The following CELF2 variants were observed in gnomAD, a reference collection of about 807,000 sequenced individuals.
The protein encoded by CELF2 is CUGBP Elav-like family member 2.
In CELF2, 8 loss-of-function variants were observed where a neutral mutation model predicts 62.6. That is an observed-to-expected ratio of 0.13 (90% CI 0.07 to 0.23). The LOEUF (loss-of-function observed/expected upper bound fraction) is 0.23, where lower values mean the gene tolerates loss of function less well. CELF2 is among the 10% of genes least tolerant of loss of function. The probability of loss-of-function intolerance (pLI) is 1.00; values close to 1 mark genes in which losing one functional copy is unlikely to be tolerated. For missense variants in CELF2, 333 were observed against 671.0 expected, an observed-to-expected ratio of 0.50 and a Z score of 5.56; for synonymous variants, 258 against 250.0, an observed-to-expected ratio of 1.03 and a Z score of -0.30.
rs139799018 is a variant in CELF2 at position 11,037,277 on chromosome 10, C to G, written c.74+19114C>G. ...CATCAGCTCTCCTGAGACTTACTGT[C>G]GTGAGAACAGCGTGGGAGAAACCCA... On this transcript the variant is annotated intron_variant, in intron 1 of 12. Transcript: ENST00000633077. Among the ~76,000 whole-genome samples, 459 of 152,310 alleles carry G rather than the reference C, an allele frequency of 3.0e-3. 3 individuals carry two copies. Among genetic ancestry groups the G allele is most frequent in the African/African-American group, 0.01 (422 of 41,562 alleles).
chr10:10,727,461 C>A, the CELF2 span, among the ~76,000 whole-genome samples: 1 of 152,290 alleles, frequency 6.6e-6, no homozygotes, highest in African/African-American at 2.4e-5. Flanking sequence ...CAACACAGAA[C>A]ATCTGCCCTT....
chr10:10,488,864 G>C, the CELF2 span, among the ~76,000 whole-genome samples: 1 of 152,012 alleles, frequency 6.6e-6, no homozygotes, highest in African/African-American at 2.4e-5. Flanking sequence ...ACCAATGCAA[G>C]AAGGAGCTTG....
the CELF2 span, among the ~76,000 whole-genome samples, chr10:10,773,173 C>CAG: frequency 4.8e-3 from 732 of 152,188 alleles, 4 homozygotes; most frequent in African/African-American, 0.01. Context: ...GAATATGAAA[C>CAG]GGGAGGGAAA....
At position 11,146,507 on chromosome 10, in the gene CELF2, T is replaced by C. The variant is rs184012565; in HGVS notation, c.75-18979T>C. 3.7e-3 allele frequency among the ~76,000 whole-genome samples: 569 copies of C among 152,358 alleles called. 10 individuals carry two copies. Among genetic ancestry groups the C allele is most frequent in the Middle Eastern group, 6.8e-3 (2 of 294 alleles). ...CAATTTGTTTTCCCTTTCCATTTTA[T>C]TACTCCTTGTGTGGCCTGTCTGTGG... On this transcript the variant is annotated intron_variant, in intron 1 of 12. Coordinates refer to ENST00000633077, the MANE Select transcript of CELF2 (RefSeq NM_001326342.2).
At chr10:10,695,702 A>G in the CELF2 span, among the ~76,000 whole-genome samples, 1 of 152,000 alleles carries the variant, frequency 6.6e-6, no homozygotes, top group South Asian at 2.1e-4. Flanking sequence ...GGCTTTGCTC[A>G]TTTCCTTTTA....
intron 2 of CELF2, among the ~76,000 whole-genome samples, chr10:10,962,677 A>T (rs370115793): frequency 9.8e-5 from 15 of 152,310 alleles, no homozygotes; most frequent in African/African-American, 3.6e-4. Flanking sequence ...GTGAGCCATG[A>T]CTGGGCTGTT....
At position 11,207,867 on chromosome 10, in the gene CELF2, GC is replaced by G. The variant is rs2060818291; in HGVS notation, c.272-9557del. On this transcript the variant is annotated intron_variant, in intron 2 of 12. Coordinates refer to ENST00000633077, the MANE Select transcript of CELF2 (RefSeq NM_001326342.2). The surrounding 1 kb of genome is among the most constrained non-coding windows in gnomAD (Gnocchi z 4.1). ...TCGTATTTGGGTAGCTGCTACTCTA[GC>G]TATGGAAGTCCCATTTTTAGGTGGG... Among the ~76,000 whole-genome samples, 1 of 152,222 alleles carries G rather than the reference GC, an allele frequency of 6.6e-6. No individual in the cohort carries two copies. Among genetic ancestry groups the G allele is most frequent in the Admixed American group, 6.5e-5 (1 of 15,284 alleles).
chr10:11,058,141 C>A (rs769063200), intron 1 of CELF2, among the ~76,000 whole-genome samples: 1 of 150,734 alleles, frequency 6.6e-6, no homozygotes, highest in Non-Finnish European at 1.5e-5. Flanking sequence ...CTGGCATGTT[C>A]CAGTCGAGTT....
chr10:11,197,053 G>GAAGGAAAGA (rs1565233084), intron 2 of CELF2, among the ~76,000 whole-genome samples: 2 of 57,220 alleles, frequency 3.5e-5, no homozygotes, highest in African/African-American at 8.3e-5. Context: ...AAGAAAGAAA[G>GAAGGAAAGA]AAAGAAAAGA....
intron 3 of CELF2, among the ~76,000 whole-genome samples, chr10:11,219,167 T>C (rs984654731): frequency 6.6e-6 from 1 of 152,208 alleles, no homozygotes; most frequent in African/African-American, 2.4e-5. Context: ...TTGGTGAATA[T>C]GTATTTATCC....
At chr10:10,939,100 CCCCATCACCTA>C in intron 2 of CELF2, among the ~76,000 whole-genome samples, 1 of 149,922 alleles carries the variant, frequency 6.7e-6, no homozygotes, top group Non-Finnish European at 1.5e-5. Flanking sequence ...GCTATTGTAA[CCCCATCACCTA>C]GGCTGTAGTG....
At chr10:10,599,629 G>A in the CELF2 span, among the ~76,000 whole-genome samples, 14 of 151,820 alleles carry the variant, frequency 9.2e-5, no homozygotes, top group African/African-American at 3.4e-4. Flanking sequence ...GAGTGAAAAG[G>A]TTATCACTGT....
intron 2 of CELF2, among the ~76,000 whole-genome samples, chr10:10,968,905 A>C (rs1157390189): frequency 6.6e-6 from 1 of 152,234 alleles, no homozygotes; most frequent in Non-Finnish European, 1.5e-5. Flanking sequence ...ATGAATAATA[A>C]GTTATAATGA....
the CELF2 span, among the ~76,000 whole-genome samples, chr10:10,645,903 C>A: frequency 0.26 from 39,630 of 152,060 alleles, 5,856 homozygotes; most frequent in Non-Finnish European, 0.33. Context: ...TAGGGTAACT[C>A]GTTCTGGTTT....
At chr10:10,544,046 T>C in the CELF2 span, among the ~76,000 whole-genome samples, 46 of 152,322 alleles carry the variant, frequency 3.0e-4, no homozygotes, top group African/African-American at 1.1e-3. Context: ...ACTGAAGGCA[T>C]ATGTTCTAAA....
chr10:10,608,701 G>T, the CELF2 span, among the ~76,000 whole-genome samples: 1 of 151,972 alleles, frequency 6.6e-6, no homozygotes, highest in Non-Finnish European at 1.5e-5. Context: ...GCTCTCCCAG[G>T]CTCTCCCCAG....
Position 11,297,120 on chromosome 10 carries a change from T to C in CELF2, c.976+8568T>C, listed in dbSNP as rs1392269430. On this transcript the variant is annotated intron_variant, in intron 9 of 12. Coordinates refer to ENST00000633077, the MANE Select transcript of CELF2 (RefSeq NM_001326342.2). The surrounding 1 kb of genome is among the most constrained non-coding windows in gnomAD (Gnocchi z 4.4). Reference sequence around the variant, plus strand: ...CAAAAGGAAAGGAGGAAAAATGATATGGTGTGTTGGGCCTGGGTGGCCAGT... The same window carrying C: ...CAAAAGGAAAGGAGGAAAAATGATACGGTGTGTTGGGCCTGGGTGGCCAGT... Among the ~76,000 whole-genome samples, 2 of 152,100 alleles carry C rather than the reference T, an allele frequency of 1.3e-5. No individual in the cohort carries two copies. Among genetic ancestry groups the C allele is most frequent in the African/African-American group, 2.4e-5 (1 of 41,418 alleles).
chr10:11,226,914 A>C (rs1442088142), intron 3 of CELF2, among the ~76,000 whole-genome samples: 1 of 152,188 alleles, frequency 6.6e-6, no homozygotes, highest in Non-Finnish European at 1.5e-5. Flanking sequence ...ATTGACATTC[A>C]TGTTATTAGG....
intron 1 of CELF2, among the ~76,000 whole-genome samples, chr10:11,114,495 A>G (rs945335812): frequency 1.3e-5 from 2 of 152,202 alleles, no homozygotes; most frequent in Non-Finnish European, 2.9e-5. Flanking sequence ...TGACTCTTTA[A>G]AAGTTGCTAA....
Sources: allele counts gnomAD v4.1 joint callset (sites outside exome capture counted in the v4.1 genomes callset), GRCh38; gene constraint gnomAD v4.1.1; non-coding constraint Gnocchi (gnomAD v3.1); transcripts MANE v1.5; gene names NCBI Gene and HGNC (gene_info 2026-07-23, HGNC 2026-07-21).